TOX2: variants seen among roughly 807,000 people sequenced by gnomAD.
TOX2 encodes the protein TOX high mobility group box family member 2, also known as granulosa cell HMG box 1.
In TOX2, 15 loss-of-function variants were observed where a neutral mutation model predicts 47.4. The observed-to-expected ratio is 0.32, with a 90% CI of 0.21 to 0.49. The LOEUF (loss-of-function observed/expected upper bound fraction) is 0.49. Ranked by LOEUF, TOX2 falls within the 20% of genes least tolerant of loss-of-function variation. The pLI, the probability that TOX2 is intolerant of heterozygous loss-of-function variation, is 0.99. For missense variants in TOX2, 622 were observed against 673.1 expected, an observed-to-expected ratio of 0.92 and a Z score of 0.84; for synonymous variants, 290 against 296.6, an observed-to-expected ratio of 0.98 and a Z score of 0.23.
rs775433067 is a variant in TOX2 at position 44,006,805 on chromosome 20, C to T, written c.411+13C>T. On this transcript the variant is annotated intron_variant, in intron 3 of 8. Transcript: ENST00000341197. ...CCAGCTGCCCACGGTGAGTCCCTAT[C>T]GCCTGCTGCAGTTCCTGCTGATGAC... The T allele has an allele frequency of 5.2e-5, 84 of 1,609,838 alleles. No homozygotes were observed. Among genetic ancestry groups the T allele is most frequent in the African/African-American group, 1.2e-4 (9 of 74,860 alleles).
At chr20:43,945,976 A>G in intron 1 of TOX2, 8 of 1,614,066 alleles carry the variant, frequency 5.0e-6, no homozygotes, top group Non-Finnish European at 6.8e-6. Context: ...CTTCTGTGGA[A>G]TGAGACTCGG....
Position 44,004,171 on chromosome 20 carries a change from T to C in TOX2, c.166-2376T>C, listed in dbSNP as rs144041092. ...TGGAAGGTAGTGTCACTTGCTGAGA[T>C]GTAGAGGACACAGGGACACGGCAGG... On this transcript the variant is annotated intron_variant, in intron 2 of 8. Coordinates refer to ENST00000341197, the MANE Select transcript of TOX2 (RefSeq NM_001098797.2). Among the ~76,000 whole-genome samples the C allele has an allele frequency of 8.1e-3, 1,239 of 152,234 alleles. 5 individuals carry two copies. The highest frequency in any genetic ancestry group is 0.041 in the Middle Eastern group (12 of 294).
intron 3 of TOX2, among the ~76,000 whole-genome samples, chr20:44,010,936 C>G (rs1327043176): frequency 6.6e-6 from 1 of 152,164 alleles, no homozygotes; most frequent in East Asian, 1.9e-4. Flanking sequence ...AGGAGGAACT[C>G]ACTTTCCCCA....
chr20:43,942,111 A>C (rs2069411036), intron 1 of TOX2, among the ~76,000 whole-genome samples: 2 of 152,190 alleles, frequency 1.3e-5, no homozygotes, highest in Non-Finnish European at 2.9e-5. Context: ...ATTAAATGAG[A>C]TCATCAAAGC....
chr20:43,959,827 G>T (rs1332339440), intron 1 of TOX2, among the ~76,000 whole-genome samples: 3 of 152,212 alleles, frequency 2.0e-5, no homozygotes, highest in Non-Finnish European at 2.9e-5. Flanking sequence ...GCAGCGCAGG[G>T]CAACCTGAGG....
chr20:44,006,776 C>A lies in TOX2; in HGVS notation c.395C>A (p.Ser132Ter). The A allele has an allele frequency of 1.2e-6, 2 of 1,613,424 alleles. No individual in the cohort carries two copies. Among genetic ancestry groups the A allele is most frequent in the Non-Finnish European group, 1.7e-6 (2 of 1,179,932 alleles). Reference sequence around the variant, plus strand: ...CTAGCACAGGACAGCCACCTGCTGTCGGGCCAGCTGCCCACGGTGAGTCCC... The same window carrying A: ...CTAGCACAGGACAGCCACCTGCTGTAGGGCCAGCTGCCCACGGTGAGTCCC... ...NMLAQDSHLL[S>*]GQLPTIQEMV... The change falls in exon 3 of 9, where the codon TCG (serine) becomes TAG (stop). Residue 132 changes from serine (S) to a stop codon, truncating the protein, a stop_gained. Coordinates refer to ENST00000341197, the MANE Select transcript of TOX2 (RefSeq NM_001098797.2). LOFTEE classifies it high-confidence loss of function.
intron 1 of TOX2, chr20:43,945,886 G>C: frequency 1.2e-6 from 2 of 1,608,704 alleles, no homozygotes; most frequent in Non-Finnish European, 1.7e-6. Flanking sequence ...GCTATTTCTG[G>C]CATTTTTTCC....
intron 2 of TOX2, among the ~76,000 whole-genome samples, chr20:43,997,425 T>C (rs566929344): frequency 8.2e-4 from 125 of 152,352 alleles, no homozygotes; most frequent in Non-Finnish European, 1.5e-3. Flanking sequence ...TTGGAAGATT[T>C]AAATGATAGA....
chr20:43,938,130 G>C (rs1013613284), intron 1 of TOX2, among the ~76,000 whole-genome samples: 5 of 152,174 alleles, frequency 3.3e-5, no homozygotes, highest in African/African-American at 1.2e-4. Flanking sequence ...CTGCACGGTG[G>C]AGTGAAGCAA....
intron 3 of TOX2, among the ~76,000 whole-genome samples, chr20:44,007,692 T>C (rs1337690242): frequency 6.6e-6 from 1 of 151,966 alleles, no homozygotes; most frequent in Admixed American, 6.6e-5. Flanking sequence ...CAAAACAAAT[T>C]AGCCAGGTGT....
rs191864430 is a variant in TOX2, at chr20:43,918,389, C to T, written c.99+3399C>T. 2.7e-3 allele frequency among the ~76,000 whole-genome samples: 411 copies of T among 152,294 alleles called. 2 individuals are homozygous for T. Among genetic ancestry groups the T allele is most frequent in the African/African-American group, 9.5e-3 (394 of 41,562 alleles). On this transcript the variant is annotated intron_variant, in intron 1 of 8. Coordinates refer to ENST00000341197, the MANE Select transcript of TOX2 (RefSeq NM_001098797.2). ...TTCCATGAGTTTTGATAAATATTAA[C>T]ACTCATGTAACCAGCATCCCAGTCC...
chr20:43,951,707 G>GTTCTT (rs2069571130), intron 1 of TOX2, among the ~76,000 whole-genome samples: 1 of 55,098 alleles, frequency 1.8e-5, no homozygotes, highest in Admixed American at 2.4e-4. Flanking sequence ...AACTTATTAT[G>GTTCTT]TTTTTTTTTT....
intron 2 of TOX2, among the ~76,000 whole-genome samples, chr20:43,985,278 C>T (rs1054652302): frequency 6.6e-6 from 1 of 152,200 alleles, no homozygotes; most frequent in Non-Finnish European, 1.5e-5. Context: ...ACTGCCTGAG[C>T]GCCCAGGAGG....
chr20:43,990,472 C>T (rs751964844), intron 2 of TOX2, among the ~76,000 whole-genome samples: 13 of 152,308 alleles, frequency 8.5e-5, no homozygotes, highest in East Asian at 1.9e-4. Flanking sequence ...CTGCCCAGAT[C>T]ACTGGGCCCC....
intron 2 of TOX2, among the ~76,000 whole-genome samples, chr20:44,001,609 G>A (rs892459950): frequency 2.0e-5 from 3 of 152,022 alleles, no homozygotes; most frequent in Non-Finnish European, 4.4e-5. Context: ...GGTTCCAGTG[G>A]ATTGAAGTTT....
At chr20:44,005,368 G>A (rs1421866696) in intron 2 of TOX2, among the ~76,000 whole-genome samples, 1 of 152,132 alleles carries the variant, frequency 6.6e-6, no homozygotes, top group Non-Finnish European at 1.5e-5. Flanking sequence ...TCTTCCAGTT[G>A]ACACACCTCT....
chr20:43,914,952 G>A lies in TOX2; in HGVS notation c.61G>A (p.Ala21Thr). ...GGGCGCGCGGCCCGGGGCCGAGCCG[G>A]CCGGCCTGGCGCACCTGGACTATTA... ...AVGARPGAEPAGLAHLDYYHG... is the reference protein window; with the variant it reads ...AVGARPGAEPTGLAHLDYYHG... The change falls in exon 1 of 9, where the codon GCC (alanine) becomes ACC (threonine). Residue 21 changes from alanine (A) to threonine (T), a missense_variant. Coordinates refer to ENST00000341197, the MANE Select transcript of TOX2 (RefSeq NM_001098797.2). The surrounding 1 kb of genome is among the most constrained non-coding windows in gnomAD (Gnocchi z 4.5). The A allele has an allele frequency of 8.0e-7, 1 of 1,255,342 alleles. No homozygotes were observed. The highest frequency in any genetic ancestry group is 1.0e-6 in the Non-Finnish European group (1 of 998,912). The allele number at this position is 1,255,342 out of a possible 1,614,324, so 77.8% of individuals were successfully genotyped here.
At chr20:43,992,540 G>C (rs1460220448) in intron 2 of TOX2, among the ~76,000 whole-genome samples, 1 of 152,122 alleles carries the variant, frequency 6.6e-6, no homozygotes, top group Non-Finnish European at 1.5e-5. Flanking sequence ...GCGTAAGGAA[G>C]GATCATAGCC....
rs929134913 is a variant in TOX2 at position 44,069,586 on chromosome 20, C to G, written c.*900C>G. The G allele has an allele frequency of 6.5e-6, 1 of 152,744 alleles. No individual in the cohort carries two copies. Among genetic ancestry groups the G allele is most frequent in the East Asian group, 1.9e-4 (1 of 5,196 alleles). 9.5% of individuals were successfully genotyped at this position (152,744 alleles called of 1,614,324 possible). On this transcript the variant is annotated 3_prime_UTR_variant, in exon 9 of 9. Coordinates refer to ENST00000341197, the MANE Select transcript of TOX2 (RefSeq NM_001098797.2). ...GGTGCCCAGTGCTTCTCTCAAATCT[C>G]TTTATAATAAAACTTCTGAAAAGCT...
Sources: gnomAD v4.1 joint callset for allele counts (sites outside exome capture counted in the v4.1 genomes callset) on GRCh38, gnomAD v4.1.1 for gene constraint, Gnocchi (gnomAD v3.1) non-coding constraint, MANE v1.5 for transcripts, NCBI Gene and HGNC (gene_info 2026-07-23, HGNC 2026-07-21) for gene names.